The following MPV17 variants were observed in gnomAD, a reference collection of about 807,000 sequenced individuals.
MPV17 encodes the protein MPV17, mitochondrial inner membrane protein.
A neutral mutation model predicts 28.6 loss-of-function variants in MPV17; 31 were observed. That is an observed-to-expected ratio of 1.08 (90% CI 0.81 to 1.46). MPV17 has a LOEUF of 1.46. Among genes scored for constraint, MPV17 ranks in the 40% most tolerant of loss-of-function variants. The probability of loss-of-function intolerance (pLI) is 0.00; values close to 1 mark genes in which losing one functional copy is unlikely to be tolerated. For missense variants in MPV17, 198 were observed against 216.2 expected (o/e 0.92, Z 0.53); for synonymous variants, 87 against 85.3 (o/e 1.02, Z -0.11).
At chr2:27,311,631 G>A (rs1266659401) in intron 7 of MPV17, 22 of 1,550,488 alleles carry the variant, frequency 1.4e-5, no homozygotes, top group East Asian at 7.3e-5. Context: ...CATCAAAGAC[G>A]GAGCTCAGGT....
chr2:27,316,178 G>C, intron 2 of MPV17: 2 of 1,551,150 alleles, frequency 1.3e-6, no homozygotes, highest in Non-Finnish European at 1.7e-6. Flanking sequence ...ATGGCAGACA[G>C]CAATATTCCT....
Position 27,317,166 on chromosome 2 carries a change from CAGG to C in MPV17, c.71-4060_71-4058del, listed in dbSNP as rs1208768498. On this transcript the variant is annotated intron_variant, in intron 2 of 7. Transcript: ENST00000380044. The surrounding 1 kb of genome is among the most constrained non-coding windows in gnomAD (Gnocchi z 4.0). Reference sequence around the variant, plus strand: ...GGAGCAGGAAGCGTGTCCTTCAGTCCAGGAGGCCTGGGTCGGCAGGTATAGCTA... The same window carrying C: ...GGAGCAGGAAGCGTGTCCTTCAGTCCAGGCCTGGGTCGGCAGGTATAGCTA... The C allele has an allele frequency of 2.8e-5, 44 of 1,550,158 alleles. No homozygotes were observed. Among genetic ancestry groups the C allele is most frequent in the Non-Finnish European group, 3.8e-5 (44 of 1,146,938 alleles).
intron 2 of MPV17, among the ~76,000 whole-genome samples, chr2:27,314,697 G>A (rs1009717376): frequency 1.1e-4 from 16 of 152,282 alleles, no homozygotes; most frequent in East Asian, 5.8e-4. Context: ...GGGAGTGACC[G>A]TGTGATTTCC....
At chr2:27,322,548 C>T (rs988153427) in intron 1 of MPV17, 26 bp from the exon 2 acceptor site, 5 of 1,599,428 alleles carry the variant, frequency 3.1e-6, no homozygotes, top group Middle Eastern at 3.3e-4. Context: ...GAGAGGGGGT[C>T]ACCCCCACCG....
chr2:27,320,988 T>G (rs897262401), intron 2 of MPV17, among the ~76,000 whole-genome samples: 4 of 152,148 alleles, frequency 2.6e-5, no homozygotes, highest in African/African-American at 9.7e-5. Flanking sequence ...CAGCATAGCC[T>G]CAGGAAGACT....
At chr2:27,311,518 G>A (rs1679437917) in intron 7 of MPV17, 6 of 1,384,860 alleles carry the variant, frequency 4.3e-6, no homozygotes, top group South Asian at 3.8e-5. Flanking sequence ...TTCAGCAACT[G>A]TCTTTATTGT....
At chr2:27,316,616 A>C (rs1260261257) in intron 2 of MPV17, among the ~76,000 whole-genome samples, 1 of 152,148 alleles carries the variant, frequency 6.6e-6, no homozygotes, top group Non-Finnish European at 1.5e-5. Flanking sequence ...TCCTCATCCC[A>C]CATTTCCCAA....
rs144697795 is a variant in MPV17 at position 27,309,565 on chromosome 2, G to A, written c.*347C>T. ...GGTTCCGGGAGTCTCTAAAGAGCTG[G>A]AGCTACAAGAAGCCTAGGCAGGGTT... On this transcript the variant is annotated 3_prime_UTR_variant, in exon 8 of 8. Coordinates refer to ENST00000380044, the MANE Select transcript of MPV17 (RefSeq NM_002437.5). 6 of 520,678 alleles carry A rather than the reference G, an allele frequency of 1.2e-5. No individual in the cohort carries two copies. The highest frequency in any genetic ancestry group is 1.0e-3 in the Middle Eastern group (2 of 1,938). The allele number at this position is 520,678 out of a possible 1,614,324, so 32.3% of individuals were successfully genotyped here.
chr2:27,318,389 G>A (rs1292095813), intron 2 of MPV17, among the ~76,000 whole-genome samples: 2 of 150,878 alleles, frequency 1.3e-5, no homozygotes, highest in African/African-American at 4.9e-5. Flanking sequence ...ATGGAGTCTC[G>A]CTCTGTCGTC....
chr2:27,314,900 C>A (rs1193350141), intron 2 of MPV17, among the ~76,000 whole-genome samples: 3 of 152,244 alleles, frequency 2.0e-5, no homozygotes, highest in Non-Finnish European at 4.4e-5. Context: ...GCCCGGCCGG[C>A]CCTGCCCCTG....
At chr2:27,316,039 C>A (rs1471734935) in intron 2 of MPV17, 3 of 1,548,904 alleles carry the variant, frequency 1.9e-6, no homozygotes, top group Non-Finnish European at 2.6e-6. Flanking sequence ...TGCTCCCCTG[C>A]TGGGTGTTCC....
At chr2:27,310,723 A>G (rs1372454257) in intron 7 of MPV17, among the ~76,000 whole-genome samples, 1 of 152,188 alleles carries the variant, frequency 6.6e-6, no homozygotes, top group Non-Finnish European at 1.5e-5. Context: ...GATTTGGTTC[A>G]TAAGTCTGTA....
chr2:27,316,049 C>T, intron 2 of MPV17: 1 of 1,549,650 alleles, frequency 6.5e-7, no homozygotes, highest in African/African-American at 1.4e-5. Context: ...CTGGGTGTTC[C>T]TGCCCAAGTG....
intron 2 of MPV17, among the ~76,000 whole-genome samples, chr2:27,321,777 T>G (rs1262106834): frequency 6.6e-6 from 1 of 151,848 alleles, no homozygotes; most frequent in African/African-American, 2.4e-5. Context: ...CAGGATGGAG[T>G]GATCAGATAC....
chr2:27,317,259 G>C lies in MPV17; in HGVS notation c.71-4150C>G. 1 of 1,524,454 alleles carries C rather than the reference G, an allele frequency of 6.6e-7. No individual in the cohort carries two copies. The highest frequency in any genetic ancestry group is 1.8e-4 in the Middle Eastern group (1 of 5,670). The allele number at this position is 1,524,454 out of a possible 1,614,324, so 94.4% of individuals were successfully genotyped here. A position where few individuals can be genotyped will look rare whatever the true frequency, so the allele number is the denominator to read the frequency against. On this transcript the variant is annotated intron_variant, in intron 2 of 7. Coordinates refer to ENST00000380044, the MANE Select transcript of MPV17 (RefSeq NM_002437.5). This position sits in a 1 kb window ranked among gnomAD's most constrained non-coding sequence, Gnocchi z 4.0. ...TCTGCAAACATTAGTTAGCTGCCTA[G>C]GATAGGGGCTCAGTCTGGCACAGAG...
chr2:27,311,615 A>G, intron 7 of MPV17: 1 of 1,550,536 alleles, frequency 6.4e-7, no homozygotes, highest in South Asian at 1.2e-5. Context: ...GTCCCTCCAG[A>G]TATGCCATCA....
Position 27,312,161 on chromosome 2 carries a change from A to C in MPV17, c.408+53T>G, listed in dbSNP as rs553828539. The C allele has an allele frequency of 1.7e-5, 27 of 1,589,988 alleles. 1 individual carries two copies. In the South Asian group the frequency reaches 2.6e-4, roughly 16 times the overall value. ...CAGGAGGACCCCCCAATCCCAGGAC[A>C]GTTCTAGACTTAAGGAAGCAGGAGA... is the stretch of plus-strand genomic sequence containing the variant. On this transcript the variant is annotated intron_variant, in intron 6 of 7. Transcript: ENST00000380044.
rs928548501 is a variant in MPV17, at chr2:27,317,838, T to A, written c.70+4610A>T. ...CAGTAAACCTTTCCCCAGGCTACCT[T>A]GTTCTGGACTCTGGCTTGGCCAAAA... is the stretch of plus-strand genomic sequence containing the variant. On this transcript the variant is annotated intron_variant, in intron 2 of 7. Coordinates refer to ENST00000380044, the MANE Select transcript of MPV17 (RefSeq NM_002437.5). This position sits in a 1 kb window ranked among gnomAD's most constrained non-coding sequence, Gnocchi z 4.0. 2.0e-5 allele frequency among the ~76,000 whole-genome samples: 3 copies of A among 152,244 alleles called. No homozygotes were observed. Among genetic ancestry groups the A allele is most frequent in the African/African-American group, 7.2e-5 (3 of 41,468 alleles).
chr2:27,311,857 A>T (rs770820082), intron 7 of MPV17, 42 bp downstream of exon 7: 69 of 1,608,624 alleles, frequency 4.3e-5, no homozygotes, highest in Admixed American at 1.7e-4. Context: ...ACTGTTGGTA[A>T]CGTGGGTCTT....
Sources: allele counts gnomAD v4.1 joint callset (sites outside exome capture counted in the v4.1 genomes callset), GRCh38; gene constraint gnomAD v4.1.1; non-coding constraint Gnocchi (gnomAD v3.1); transcripts MANE v1.5; gene names NCBI Gene and HGNC (gene_info 2026-07-23, HGNC 2026-07-21).